Variants in PCNX3 observed in about 807,000 individuals in gnomAD.
PCNX3 encodes the protein pecanex-like protein 3.
PCNX3 carries 58 observed loss-of-function variants against 207.2 expected under a neutral mutation model. That is an observed-to-expected ratio of 0.28 (90% confidence interval 0.23 to 0.35). PCNX3 has a LOEUF of 0.35. PCNX3 is among the 10% of genes least tolerant of loss of function. PCNX3 has a pLI of 1.00. For missense variants in PCNX3, 2,410 were observed against 2,774.4 expected, an observed-to-expected ratio of 0.87 and a Z score of 2.95; for synonymous variants, 1,337 against 1,183.5, an observed-to-expected ratio of 1.13 and a Z score of -2.66.
rs766757734 is a variant in PCNX3 at position 65,634,232 on chromosome 11, C to T, written c.4577C>T (p.Ser1526Leu). 45 of 1,613,164 alleles carry T rather than the reference C, an allele frequency of 2.8e-5. No homozygotes were observed. Among genetic ancestry groups the T allele is most frequent in the African/African-American group, 4.0e-5 (3 of 74,944 alleles). ...RPVRVPGYAD[S>L]DPTFSLSVDE... ...GTGCGGGTGCCCGGCTATGCCGACT[C>T]GGATCCCACCTTCTCGCTGAGTGTG... Residue 1526 changes from serine (S) to leucine (L), a missense_variant, in exon 28 of 35, where the codon TCG becomes TTG. Physicochemically the swap from Ser to Leu is moderately radical, Grantham distance 145. Coordinates refer to ENST00000355703, the MANE Select transcript of PCNX3 (RefSeq NM_032223.4).
Position 65,637,328 on chromosome 11 carries a change from G to C in PCNX3, c.*350G>C, listed in dbSNP as rs1212810411. 1.7e-5 allele frequency: 5 copies of C among 291,748 alleles called. No homozygotes were observed. The highest frequency in any genetic ancestry group is 1.1e-4 in the African/African-American group (5 of 46,042). The allele number at this position is 291,748 out of a possible 1,614,324, so 18.1% of individuals were successfully genotyped here. A position where few individuals can be genotyped will look rare whatever the true frequency, so the allele number is the denominator to read the frequency against. ...TGTGGCCCCCTTGGCCTGGACCTGGGGCCTGAATTGTGGGAAGGGTGGTTT... is the reference window on the plus strand; with the variant it reads ...TGTGGCCCCCTTGGCCTGGACCTGGCGCCTGAATTGTGGGAAGGGTGGTTT... On this transcript the variant is annotated 3_prime_UTR_variant, in exon 35 of 35. Coordinates refer to ENST00000355703, the MANE Select transcript of PCNX3 (RefSeq NM_032223.4).
chr11:65,636,121 C>G (rs567339467), intron 32 of PCNX3, 53 bp from the exon 33 acceptor site: 4 of 1,562,916 alleles, frequency 2.6e-6, no homozygotes, highest in East Asian at 2.4e-5. Flanking sequence ...CTTGTGAGGC[C>G]TCTGGCCTCA....
rs1192360331 is a variant in PCNX3, at chr11:65,618,787, G to C, written c.1425G>C (p.Glu475Asp). The C allele has an allele frequency of 6.2e-7, 1 of 1,611,376 alleles. No individual in the cohort carries two copies. The highest frequency in any genetic ancestry group is 8.5e-7 in the Non-Finnish European group (1 of 1,179,388). The stretch of plus-strand genomic sequence containing the variant: ...AGCGGAGGGCCCCCCATGGGGCTGA[G>C]GAGGGAACTGCTGTGCCCCCCAAGC... ...PRKRRAPHGA[E>D]EGTAVPPKRP... The change falls in exon 6 of 35, where the codon GAG becomes GAC. Residue 475 changes from glutamate (E) to aspartate (D), a missense_variant. By Grantham distance (45) the Glu-to-Asp change is conservative. Transcript: ENST00000355703.
rs556920614 is a variant in PCNX3, at chr11:65,635,186, C to T, written c.4954-32C>T. Reference sequence around the variant, plus strand: ...ATGAAGCCTCTCTCCAGGGCAGGGGCCACTGACCCCTGTTCCCGTCTTCTC... The same window carrying T: ...ATGAAGCCTCTCTCCAGGGCAGGGGTCACTGACCCCTGTTCCCGTCTTCTC... On this transcript the variant is annotated intron_variant, in intron 30 of 34. Transcript: ENST00000355703. This position sits in a 1 kb window ranked among gnomAD's most constrained non-coding sequence, Gnocchi z 9.9. 15 of 1,597,380 alleles carry T rather than the reference C, an allele frequency of 9.4e-6. No homozygotes were observed. Among genetic ancestry groups the T allele is most frequent in the Non-Finnish European group, 1.3e-5 (15 of 1,170,776 alleles).
At chr11:65,623,877 AC>A in intron 12 of PCNX3, 51 bp from the exon 13 acceptor site, 1 of 1,611,600 alleles carries the variant, frequency 6.2e-7, no homozygotes, top group Non-Finnish European at 8.5e-7. Context: ...GGGGCCTCTG[AC>A]CATCCCGTGG....
intron 26 of PCNX3, 150 bp from the exon 27 acceptor site, chr11:65,630,201 C>T (rs917378873): frequency 9.2e-6 from 11 of 1,199,470 alleles, no homozygotes; most frequent in African/African-American, 3.1e-5. Context: ...GGCGCTCTTT[C>T]GTGAATCTTG....
In PCNX3 at chr11:65,625,636, T is replaced by C. The variant is rs1460216856; in HGVS notation, c.3136-16T>C. The C allele has an allele frequency of 1.2e-6, 2 of 1,611,542 alleles. No individual in the cohort carries two copies. Among genetic ancestry groups the C allele is most frequent in the African/African-American group, 1.3e-5 (1 of 74,852 alleles). ...TCTCCTGGCCGGGCAGCTGAATGTC[T>C]CTCCTGGCCCTGCAGCGTGAGGTCT... On this transcript the variant is annotated splice_polypyrimidine_tract_variant and intron_variant, in intron 18 of 34. Transcript: ENST00000355703. This position sits in a 1 kb window ranked among gnomAD's most constrained non-coding sequence, Gnocchi z 5.6.
intron 22 of PCNX3, among the ~76,000 whole-genome samples, chr11:65,628,143 G>A (rs1855478444): frequency 6.6e-6 from 1 of 152,206 alleles, no homozygotes; most frequent in East Asian, 1.9e-4. Flanking sequence ...TTCTGTTCTT[G>A]TTTTCTGGCC....
rs761266576 is a variant in PCNX3 at position 65,619,658 on chromosome 11, C to T, written c.1827C>T (p.Pro609=). 1.9e-5 allele frequency: 30 copies of T among 1,595,638 alleles called. No homozygotes were observed. In the East Asian group the frequency reaches 6.7e-4, roughly 36 times the overall value. ...CAGCCTCTGTCATGGGCTCGCCGCC[C>T]AGGTGAGCACCTTGCCAGCTGTGCC... ...TPPASVMGSP[P]SSLQEAQRGR... is the part of the protein sequence containing the mutation. Residue 609 remains proline, a splice_region_variant and synonymous_variant, in exon 7 of 35, where the codon CCC becomes CCT. Coordinates refer to ENST00000355703, the MANE Select transcript of PCNX3 (RefSeq NM_032223.4).
rs762790326 is a variant in PCNX3 at position 65,628,697 on chromosome 11, G to A, written c.3805G>A (p.Val1269Met). 5 of 1,611,908 alleles carry A rather than the reference G, an allele frequency of 3.1e-6. No homozygotes were observed. The highest frequency in any genetic ancestry group is 2.2e-5 in the South Asian group (2 of 91,050). ...CCACGCTTTTGCCCAGCCGTTTGCCGTGCCACGTATCCAGCCTGTGTTTGG... is the reference window on the plus strand; with the variant it reads ...CCACGCTTTTGCCCAGCCGTTTGCCATGCCACGTATCCAGCCTGTGTTTGG... ...AFHAFAQPFAVPHSAMLFVQA... is the reference protein window; with the variant it reads ...AFHAFAQPFAMPHSAMLFVQA... The change falls in exon 23 of 35, where the codon GTG becomes ATG. Residue 1269 changes from valine (V) to methionine (M), a missense_variant. By Grantham distance (21) the Val-to-Met change is conservative. Transcript: ENST00000355703.
Position 65,624,585 on chromosome 11 carries a change from T to C in PCNX3, c.2827+4T>C. The C allele has an allele frequency of 1.3e-6, 2 of 1,583,378 alleles. No individual in the cohort carries two copies. Among genetic ancestry groups the C allele is most frequent in the African/African-American group, 1.3e-5 (1 of 74,464 alleles). On this transcript the variant is annotated splice_donor_region_variant and intron_variant, in intron 15 of 34. Coordinates refer to ENST00000355703, the MANE Select transcript of PCNX3 (RefSeq NM_032223.4). ...ATGCACGGCTTCGGGGGCACAGGTA[T>C]GATGCCCACAGGTGGCTCAGGGATG...
At chr11:65,616,737 G>C in intron 1 of PCNX3, 87 bp from the exon 2 acceptor site, 1 of 1,439,220 alleles carries the variant, frequency 6.9e-7, no homozygotes, top group Non-Finnish European at 9.5e-7. Context: ...TTGTGAGTCT[G>C]TGAATCCCAG....
At chr11:65,631,650 CTG>C (rs1565169940) in intron 27 of PCNX3, among the ~76,000 whole-genome samples, 1 of 151,490 alleles carries the variant, frequency 6.6e-6, no homozygotes. Context: ...CAGAGCAAGA[CTG>C]TCTCAAAAAA....
At chr11:65,627,713 C>T (rs1855460655) in intron 22 of PCNX3, 131 bp downstream of exon 22, 2 of 1,147,552 alleles carry the variant, frequency 1.7e-6, no homozygotes, top group Non-Finnish European at 2.5e-6. Flanking sequence ...GCCTTTGCAG[C>T]AGCCTCTCAA....
rs757885583 is a variant in PCNX3, at chr11:65,618,684, G to A, written c.1322G>A (p.Arg441His). Residue 441 changes from arginine (R) to histidine (H), a missense_variant, in exon 6 of 35, where the codon CGC (arginine) becomes CAC (histidine). By Grantham distance (29) the Arg-to-His change is conservative. Around this residue, in one of 8 missense-constraint regions of PCNX3, gnomAD observed 1,104 missense variants for 970.3 expected, o/e 1.14. Transcript: ENST00000355703. ...GCCTCCAGTCTCCGATCGCAGCGCC[G>A]CTACAGTACTGACAGCTCCTCTTCT... Reference protein sequence around the residue: ...SPASSLRSQRRYSTDSSSSTS... With the variant: ...SPASSLRSQRHYSTDSSSSTS... 2 of 1,613,288 alleles carry A rather than the reference G, an allele frequency of 1.2e-6. No homozygotes were observed. Among genetic ancestry groups the A allele is most frequent in the East Asian group, 2.2e-5 (1 of 44,874 alleles).
At position 65,635,172 on chromosome 11, in the gene PCNX3, C is replaced by T. The variant is rs1242756660; in HGVS notation, c.4954-46C>T. 1.2e-6 allele frequency: 2 copies of T among 1,604,104 alleles called. No individual in the cohort carries two copies. The highest frequency in any genetic ancestry group is 8.5e-7 in the Non-Finnish European group (1 of 1,174,326). On this transcript the variant is annotated intron_variant, in intron 30 of 34. Transcript: ENST00000355703. The surrounding 1 kb of genome is among the most constrained non-coding windows in gnomAD (Gnocchi z 9.9). ...TGGGCAGGTGGGGGATGAAGCCTCT[C>T]TCCAGGGCAGGGGCCACTGACCCCT...
Position 65,637,155 on chromosome 11 carries a change from T to C in PCNX3, c.*177T>C. Reference sequence around the variant, plus strand: ...CCAGACCTCTGACCTTGACCCCTGATCTCTCTCATCCCCAGTCCAGGGCCT... The same window carrying C: ...CCAGACCTCTGACCTTGACCCCTGACCTCTCTCATCCCCAGTCCAGGGCCT... On this transcript the variant is annotated 3_prime_UTR_variant, in exon 35 of 35. Transcript: ENST00000355703. The C allele has an allele frequency of 1.5e-6, 1 of 687,658 alleles. No homozygotes were observed. Among genetic ancestry groups the C allele is most frequent in the South Asian group, 1.9e-5 (1 of 53,616 alleles). The allele number at this position is 687,658 out of a possible 1,614,324, so 42.6% of individuals were successfully genotyped here.
chr11:65,619,875 GC>G lies in PCNX3; in HGVS notation c.1953del (p.Cys652AlafsTer37). 6.2e-7 allele frequency: 1 copy of G among 1,611,514 alleles called. No individual in the cohort carries two copies. Among genetic ancestry groups the G allele is most frequent in the Non-Finnish European group, 8.5e-7 (1 of 1,179,600 alleles). On this transcript the variant is annotated frameshift_variant, in exon 8 of 35. Coordinates refer to ENST00000355703, the MANE Select transcript of PCNX3 (RefSeq NM_032223.4). LOFTEE classifies it high-confidence loss of function. The part of the protein sequence containing the change: ...LTRAGANVHE[A>X]CTFDDTSEGA... ...CCGGGCCGGTGCCAATGTGCATGAG[GC>G]CTGCACCTTTGATGACACTTCTGAG...
Position 65,625,637 on chromosome 11 carries a change from C to T in PCNX3, c.3136-15C>T, listed in dbSNP as rs1477351492. 1.9e-6 allele frequency: 3 copies of T among 1,610,450 alleles called. No homozygotes were observed. Among genetic ancestry groups the T allele is most frequent in the Admixed American group, 1.7e-5 (1 of 59,850 alleles). ...CTCCTGGCCGGGCAGCTGAATGTCT[C>T]TCCTGGCCCTGCAGCGTGAGGTCTT... On this transcript the variant is annotated splice_polypyrimidine_tract_variant and intron_variant, in intron 18 of 34. Coordinates refer to ENST00000355703, the MANE Select transcript of PCNX3 (RefSeq NM_032223.4). This position sits in a 1 kb window ranked among gnomAD's most constrained non-coding sequence, Gnocchi z 5.6.
Sources: allele counts gnomAD v4.1 joint callset (sites outside exome capture counted in the v4.1 genomes callset), GRCh38; gene constraint gnomAD v4.1.1; regional missense constraint gnomAD v4.1.1; non-coding constraint Gnocchi (gnomAD v3.1); transcripts MANE v1.5; gene names NCBI Gene and HGNC (gene_info 2026-07-23, HGNC 2026-07-21).